The following DNAH11 variants were observed in gnomAD, a reference collection of about 807,000 sequenced individuals.
The protein encoded by DNAH11 is dynein axonemal heavy chain 11, also known as axonemal beta dynein heavy chain 11.
In DNAH11, 442 loss-of-function variants were observed where a neutral mutation model predicts 526.0. The observed-to-expected ratio is 0.84, with a 90% confidence interval of 0.78 to 0.91. DNAH11 has a LOEUF of 0.91. DNAH11 is among the 40% of genes least tolerant of loss of function. DNAH11 has a pLI of 0.00. For synonymous variants in DNAH11, 2,461 were observed against 1,935.9 expected (o/e 1.27, Z -7.12); for missense variants, 6,989 against 5,448.7 (o/e 1.28, Z -8.90).
chr7:21,591,626 AGAG>A, intron 14 of DNAH11, 49 bp downstream of exon 14: 1 of 1,457,188 alleles, frequency 6.9e-7, no homozygotes, highest in Non-Finnish European at 9.1e-7. Flanking sequence ...CATTGAGTTC[AGAG>A]AAGAGCAAAA....
chr7:21,705,635 C>A, intron 39 of DNAH11, 98 bp downstream of exon 39: 2 of 1,140,096 alleles, frequency 1.8e-6, no homozygotes, highest in Non-Finnish European at 1.3e-6. Flanking sequence ...AATTCCCCTC[C>A]ATGAAGCCCA....
intron 36 of DNAH11, 55 bp from the exon 37 acceptor site, chr7:21,702,655 G>A: frequency 6.7e-7 from 1 of 1,485,214 alleles, no homozygotes; most frequent in Non-Finnish European, 9.3e-7. Flanking sequence ...CCTCTGGAAT[G>A]AGAATCTTCT....
At chr7:21,718,207 C>T (rs1411176647) in intron 43 of DNAH11, among the ~76,000 whole-genome samples, 2 of 150,824 alleles carry the variant, frequency 1.3e-5, no homozygotes, top group Non-Finnish European at 2.9e-5. Context: ...TTAGTATCCC[C>T]AGATAGCTCT....
At chr7:21,623,843 A>T (rs1338147084) in intron 25 of DNAH11, among the ~76,000 whole-genome samples, 5 of 151,822 alleles carry the variant, frequency 3.3e-5, no homozygotes, top group Admixed American at 6.6e-5. Context: ...GAGGGATAGC[A>T]TTAGGAGATA....
intron 35 of DNAH11, among the ~76,000 whole-genome samples, chr7:21,691,713 T>C (rs1303011644): frequency 6.6e-6 from 1 of 152,326 alleles, no homozygotes; most frequent in East Asian, 1.9e-4. Flanking sequence ...TTTTGACATA[T>C]TTTATCATAT....
intron 8 of DNAH11, among the ~76,000 whole-genome samples, chr7:21,576,576 C>T (rs1784101291): frequency 6.6e-6 from 1 of 152,206 alleles, no homozygotes; most frequent in Non-Finnish European, 1.5e-5. Flanking sequence ...TTATAAACAG[C>T]TCTTTTGAAG....
intron 54 of DNAH11, among the ~76,000 whole-genome samples, chr7:21,763,726 C>T (rs571201511): frequency 1.3e-5 from 2 of 150,098 alleles, no homozygotes; most frequent in African/African-American, 2.5e-5. Context: ...CAGCGTTATT[C>T]ACGATAGCTG....
At position 21,815,478 on chromosome 7, in the gene DNAH11, T is replaced by A. The variant is rs1789738986; in HGVS notation, c.10333-989T>A. On this transcript the variant is annotated intron_variant, in intron 63 of 81. Transcript: ENST00000409508. ...GTATCAAATTGCATCCCAGCCTTAA[T>A]GTGGGAATCCTTTCAGCATTTTGTT... is the stretch of plus-strand genomic sequence containing the variant. Among the ~76,000 whole-genome samples, 3 of 152,170 alleles carry A rather than the reference T, an allele frequency of 2.0e-5. No homozygotes were observed. In the South Asian group the frequency reaches 6.2e-4, roughly 31 times the overall value.
chr7:21,713,739 C>T (rs2128481744), intron 42 of DNAH11, among the ~76,000 whole-genome samples: 1 of 152,308 alleles, frequency 6.6e-6, no homozygotes, highest in Middle Eastern at 3.4e-3. Context: ...TACTGACATG[C>T]TCGCTAAAAG....
chr7:21,680,547 G>T (rs1783096114), intron 30 of DNAH11, among the ~76,000 whole-genome samples: 1 of 152,110 alleles, frequency 6.6e-6, no homozygotes, highest in African/African-American at 2.4e-5. Flanking sequence ...TGTTTATGTA[G>T]GTAGTCAAAA....
At chr7:21,786,795 A>T in intron 59 of DNAH11, 28 bp downstream of exon 59, 1 of 1,612,368 alleles carries the variant, frequency 6.2e-7, no homozygotes, top group South Asian at 1.1e-5. Flanking sequence ...CAAGATGAAA[A>T]TCCTGATAAT....
chr7:21,798,371 C>T (rs946572056), intron 61 of DNAH11, among the ~76,000 whole-genome samples: 5 of 152,222 alleles, frequency 3.3e-5, no homozygotes, highest in Non-Finnish European at 7.3e-5. Flanking sequence ...GCTGGGATTA[C>T]AGGCATGAGC....
At chr7:21,802,760 G>C (rs34540475) in intron 62 of DNAH11, among the ~76,000 whole-genome samples, 57,295 of 151,412 alleles carry the variant, frequency 0.38, 11,569 homozygotes, top group East Asian at 0.81. Context: ...CAGGCAGAAT[G>C]TGCCTGTGTA....
intron 68 of DNAH11, among the ~76,000 whole-genome samples, chr7:21,857,478 C>G (rs938372223): frequency 1.3e-5 from 2 of 151,712 alleles, no homozygotes; most frequent in African/African-American, 4.8e-5. Flanking sequence ...CAAGCTTATC[C>G]TGAAAATTTG....
chr7:21,635,287 G>A (rs1254421974), intron 25 of DNAH11, among the ~76,000 whole-genome samples: 2 of 152,156 alleles, frequency 1.3e-5, no homozygotes, highest in South Asian at 2.1e-4. Context: ...CTCCCAGGTA[G>A]CTGGGACTAC....
chr7:21,761,064 T>G (rs1424157832), intron 54 of DNAH11, among the ~76,000 whole-genome samples: 2 of 152,200 alleles, frequency 1.3e-5, no homozygotes, highest in Non-Finnish European at 2.9e-5. Context: ...TTGTGACAAC[T>G]GGGGTTTACT....
intron 45 of DNAH11, among the ~76,000 whole-genome samples, chr7:21,731,583 A>G (rs547396478): frequency 3.9e-5 from 6 of 152,356 alleles, no homozygotes; most frequent in African/African-American, 1.4e-4. Context: ...ATAAATTTAC[A>G]AATAAAAGTT....
chr7:21,821,955 G>A lies in DNAH11; in HGVS notation c.10691+3616G>A, dbSNP rs573940781. On this transcript the variant is annotated intron_variant, in intron 65 of 81. Coordinates refer to ENST00000409508, the MANE Select transcript of DNAH11 (RefSeq NM_001277115.2). Reference sequence around the variant, plus strand: ...AGCTCCTGCATATGAGTAAGAAAATGCCATATTTTTCTTTCTGTGCCTGAC... The same window carrying A: ...AGCTCCTGCATATGAGTAAGAAAATACCATATTTTTCTTTCTGTGCCTGAC... Among the ~76,000 whole-genome samples, 7 of 151,794 alleles carry A rather than the reference G, an allele frequency of 4.6e-5. No individual in the cohort carries two copies. The South Asian group carries it at 1.5e-3, about 32-fold the overall frequency.
Position 21,681,609 on chromosome 7 carries a change from A to T in DNAH11, c.5392A>T (p.Lys1798Ter). Reference sequence around the variant, plus strand: ...AGAACTTCCACCTGGAGACAGACAGAAGATCATGACAATTTGTACCATAGA... The same window carrying T: ...AGAACTTCCACCTGGAGACAGACAGTAGATCATGACAATTTGTACCATAGA... Reference protein sequence around the residue: ...LGELPPGDRQKIMTICTIDVH... With the variant: ...LGELPPGDRQ The change falls in exon 31 of 82, where the codon AAG (lysine) becomes TAG (stop). Residue 1798 changes from lysine to a stop codon, truncating the protein, a stop_gained. Coordinates refer to ENST00000409508, the MANE Select transcript of DNAH11 (RefSeq NM_001277115.2). LOFTEE classifies it high-confidence loss of function. The T allele has an allele frequency of 6.2e-7, 1 of 1,613,956 alleles. No individual in the cohort carries two copies. The highest frequency in any genetic ancestry group is 8.5e-7 in the Non-Finnish European group (1 of 1,179,816).
Sources: gnomAD v4.1 joint callset for allele counts (sites outside exome capture counted in the v4.1 genomes callset) on GRCh38, gnomAD v4.1.1 for gene constraint, MANE v1.5 for transcripts, NCBI Gene and HGNC (gene_info 2026-07-23, HGNC 2026-07-21) for gene names.